The following DCHS2 variants were observed in gnomAD, a reference collection of about 807,000 sequenced individuals.
The protein encoded by DCHS2 is dachsous cadherin-related 2, also known as protocadherin-23.
In DCHS2, 142 loss-of-function variants were observed where a neutral mutation model predicts 182.4. The ratio of observed to expected loss-of-function variants is 0.78; its 90% confidence interval spans 0.68 to 0.89. DCHS2 has a LOEUF of 0.89. DCHS2 is among the 40% of genes least tolerant of loss of function. The probability of loss-of-function intolerance (pLI) is 0.00; values close to 1 mark genes in which losing one functional copy is unlikely to be tolerated. For synonymous variants in DCHS2, 1,740 were observed against 1,663.3 expected (o/e 1.05, Z -1.12); for missense variants, 4,319 against 4,198.6 (o/e 1.03, Z -0.79).
Position 154,298,236 on chromosome 4 carries a change from T to C in DCHS2, c.6078A>G (p.Val2026=). ...CATTGTCATTAACATCAGTGACATATACTTTTATAATTACAGTGGTGCTTC... is the reference window on the plus strand; with the variant it reads ...CATTGTCATTAACATCAGTGACATACACTTTTATAATTACAGTGGTGCTTC... The part of the protein sequence containing the change: ...GSRSTTVIIK[V]YVTDVNDNDP... Residue 2026 remains valine (V), a synonymous_variant, in exon 13 of 20, where the codon GTA becomes GTG. Coordinates refer to ENST00000357232, the MANE Select transcript of DCHS2 (RefSeq NM_001358235.2). 6.2e-7 allele frequency: 1 copy of C among 1,614,164 alleles called. No individual in the cohort carries two copies. Among genetic ancestry groups the C allele is most frequent in the Non-Finnish European group, 8.5e-7 (1 of 1,180,018 alleles).
intron 12 of DCHS2, among the ~76,000 whole-genome samples, chr4:154,302,340 G>C (rs1258514459): frequency 2.0e-5 from 3 of 152,230 alleles, no homozygotes; most frequent in Non-Finnish European, 4.4e-5. Context: ...CGCTCCCTGT[G>C]ACTGCGCTGT....
intron 1 of DCHS2, among the ~76,000 whole-genome samples, chr4:154,466,491 T>C (rs558575627): frequency 6.6e-6 from 1 of 152,192 alleles, no homozygotes; most frequent in Non-Finnish European, 1.5e-5. Flanking sequence ...TCATCCTGAA[T>C]GGAGACATTA....
At chr4:154,393,323 C>G (rs1056548681) in intron 1 of DCHS2, among the ~76,000 whole-genome samples, 3 of 152,150 alleles carry the variant, frequency 2.0e-5, no homozygotes, top group African/African-American at 7.2e-5. Flanking sequence ...CATGGCTCTT[C>G]AACTAATCTC....
At chr4:154,420,324 C>A (rs764299556) in intron 1 of DCHS2, among the ~76,000 whole-genome samples, 13 of 151,984 alleles carry the variant, frequency 8.6e-5, no homozygotes, top group Non-Finnish European at 1.6e-4. Context: ...TACATACATA[C>A]ATAGATGGAT....
At chr4:154,417,198 TGTGTGTGAGAGA>T (rs1374648248) in intron 1 of DCHS2, among the ~76,000 whole-genome samples, 23 of 65,316 alleles carry the variant, frequency 3.5e-4, no homozygotes, top group Non-Finnish European at 5.1e-4. Context: ...TGTGTGTGTG[TGTGTGTGAGAGA>T]GAGAGAGAGA....
rs1412896015 is a variant in DCHS2, at chr4:154,232,516, TG to T, written c.*2019del. On this transcript the variant is annotated 3_prime_UTR_variant, in exon 20 of 20. Coordinates refer to ENST00000357232, the MANE Select transcript of DCHS2 (RefSeq NM_001358235.2). ...ATAACTAACTTAGGGAATAGGTAGATGAATAACTCTTTTTAAGCATAAGTAA... is the reference window on the plus strand; with the variant it reads ...ATAACTAACTTAGGGAATAGGTAGATAATAACTCTTTTTAAGCATAAGTAA... 6.6e-6 allele frequency: 1 copy of T among 152,162 alleles called. No individual in the cohort carries two copies. 9.4% of individuals were successfully genotyped at this position (152,162 alleles called of 1,614,324 possible). A position where few individuals can be genotyped will look rare whatever the true frequency, so the allele number is the denominator to read the frequency against.
intron 1 of DCHS2, among the ~76,000 whole-genome samples, chr4:154,425,838 G>A (rs187493203): frequency 1.1e-3 from 163 of 152,222 alleles, no homozygotes; most frequent in South Asian, 2.7e-3. Flanking sequence ...TCTTTGCTTG[G>A]CCCACCCACA....
Position 154,491,104 on chromosome 4 carries a change from A to G in DCHS2, c.252T>C (p.Gly84=). 1.3e-6 allele frequency: 2 copies of G among 1,551,248 alleles called. No homozygotes were observed. Among genetic ancestry groups the G allele is most frequent in the East Asian group, 2.4e-5 (1 of 40,898 alleles). Reference sequence around the variant, plus strand: ...CGGCCGGCAGCCCGGCGCGGATGTCACCTACCAGCGTGTCCGGGGGAAGCC... The same window carrying G: ...CGGCCGGCAGCCCGGCGCGGATGTCGCCTACCAGCGTGTCCGGGGGAAGCC... The part of the protein sequence containing the change: ...DEGLPPDTLV[G]DIRAGLPAAQ... Residue 84 remains glycine, a synonymous_variant, in exon 1 of 20, where the codon GGT becomes GGC. Coordinates refer to ENST00000357232, the MANE Select transcript of DCHS2 (RefSeq NM_001358235.2).
intron 1 of DCHS2, among the ~76,000 whole-genome samples, chr4:154,408,151 C>T (rs886528032): frequency 5.9e-5 from 9 of 152,160 alleles, no homozygotes; most frequent in Admixed American, 3.9e-4. Flanking sequence ...ATTAACTTCT[C>T]AATACCTATG....
chr4:154,385,094 G>T (rs1389350563), intron 1 of DCHS2, among the ~76,000 whole-genome samples: 1 of 107,878 alleles, frequency 9.3e-6, no homozygotes, highest in African/African-American at 3.9e-5. Context: ...CCCACAACAG[G>T]CCCCAGTGTG....
At chr4:154,346,162 G>T (rs1184889606) in intron 3 of DCHS2, among the ~76,000 whole-genome samples, 2 of 152,168 alleles carry the variant, frequency 1.3e-5, no homozygotes, top group African/African-American at 4.8e-5. Context: ...CATCCCATTA[G>T]GGGTGAGGGT....
intron 1 of DCHS2, among the ~76,000 whole-genome samples, chr4:154,482,198 T>C (rs975569992): frequency 1.1e-4 from 16 of 152,216 alleles, no homozygotes; most frequent in African/African-American, 3.9e-4. Context: ...GCCTGTTCAA[T>C]AGAATATACT....
At position 154,376,680 on chromosome 4, in the gene DCHS2, C is replaced by A. The variant is rs374948545; in HGVS notation, c.2244+573G>T. ...TGATGCAATAAGAAGCAAATGGCATCACCTAAATGAATCTGAAAACAATCA... is the reference window on the plus strand; with the variant it reads ...TGATGCAATAAGAAGCAAATGGCATAACCTAAATGAATCTGAAAACAATCA... On this transcript the variant is annotated intron_variant, in intron 2 of 19. Transcript: ENST00000357232. 5.9e-5 allele frequency among the ~76,000 whole-genome samples: 9 copies of A among 152,262 alleles called. No individual in the cohort carries two copies. In the South Asian group the frequency reaches 8.3e-4, roughly 14 times the overall value.
intron 13 of DCHS2, among the ~76,000 whole-genome samples, chr4:154,296,969 CT>C (rs1482964274): frequency 1.3e-5 from 2 of 152,162 alleles, no homozygotes; most frequent in African/African-American, 4.8e-5. Context: ...GATTTACAAT[CT>C]TTTAAAACCA....
At chr4:154,252,125 C>T (rs558444807) in intron 16 of DCHS2, among the ~76,000 whole-genome samples, 1 of 151,772 alleles carries the variant, frequency 6.6e-6, no homozygotes, top group Admixed American at 6.6e-5. Flanking sequence ...TTAAATTGCC[C>T]AAGTCTTGGA....
Position 154,383,701 on chromosome 4 carries a change from A to G in DCHS2, c.2053-6257T>C, listed in dbSNP as rs546557604. ...ATAATAGGGCTTCCTCCCCTTCAAC[A>G]TCAGTGGTCAGTCCAGCCATTTATA... On this transcript the variant is annotated intron_variant, in intron 1 of 19. Transcript: ENST00000357232. Among the ~76,000 whole-genome samples the G allele has an allele frequency of 7.9e-5, 12 of 152,178 alleles. No individual in the cohort carries two copies. In the South Asian group the frequency reaches 2.5e-3, roughly 32 times the overall value.
intron 15 of DCHS2, among the ~76,000 whole-genome samples, chr4:154,256,907 A>G (rs962948321): frequency 2.0e-5 from 3 of 152,136 alleles, no homozygotes; most frequent in Non-Finnish European, 2.9e-5. Context: ...AGGCTGCAAT[A>G]TGCAGTTTCC....
At chr4:154,390,204 C>T (rs921909239) in intron 1 of DCHS2, among the ~76,000 whole-genome samples, 8 of 150,182 alleles carry the variant, frequency 5.3e-5, no homozygotes, top group Admixed American at 1.3e-4. Flanking sequence ...CACGCTGGTG[C>T]GCTGCACCCA....
chr4:154,268,934 G>A (rs374137186), intron 14 of DCHS2: 1 of 152,252 alleles, frequency 6.6e-6, no homozygotes, highest in Admixed American at 6.5e-5. Context: ...GGGAAAATAT[G>A]CCAGCTATGC....
Sources: gnomAD v4.1 joint callset for allele counts (sites outside exome capture counted in the v4.1 genomes callset) on GRCh38, gnomAD v4.1.1 for gene constraint, MANE v1.5 for transcripts, NCBI Gene and HGNC (gene_info 2026-07-23, HGNC 2026-07-21) for gene names.